Variants in CALHM4 observed in about 807,000 individuals in gnomAD.
CALHM4 encodes the protein calcium homeostasis modulator protein 4.
A neutral mutation model predicts 13.3 loss-of-function variants in CALHM4; 16 were observed. The observed-to-expected ratio is 1.20, with a 90% confidence interval of 0.81 to 1.82. The LOEUF (loss-of-function observed/expected upper bound fraction) is 1.82, where lower values mean the gene tolerates loss of function less well. Among genes scored for constraint, CALHM4 ranks in the 40% most tolerant of loss-of-function variants. The pLI, the probability that CALHM4 is intolerant of heterozygous loss-of-function variation, is 0.00. For synonymous variants in CALHM4, 127 were observed against 137.1 expected, an observed-to-expected ratio of 0.93 and a Z score of 0.52; for missense variants, 344 against 374.9, an observed-to-expected ratio of 0.92 and a Z score of 0.68.
In CALHM4 at chr6:116,540,377, C is replaced by G. The variant is rs747079359; in HGVS notation, c.-108-3388C>G. 7 of 1,551,036 alleles carry G rather than the reference C, an allele frequency of 4.5e-6. 1 individual carries two copies. Among genetic ancestry groups the G allele is most frequent in the Middle Eastern group, 1.7e-4 (1 of 5,986 alleles). ...AACATAGTTACCTGGGCAATTATGT[C>G]TATAATTTCTGAATAACTATGGCAT... On this transcript the variant is annotated intron_variant, in intron 1 of 2. Transcript: ENST00000368597.
intron 1 of CALHM4, among the ~76,000 whole-genome samples, chr6:116,539,691 G>GA (rs982974559): frequency 4.0e-5 from 6 of 150,364 alleles, no homozygotes; most frequent in East Asian, 1.9e-4. Context: ...GACTAGGAGA[G>GA]AAAAAAAAAT....
rs142433249 is a variant in CALHM4, at chr6:116,558,017, C to T, written c.751C>T (p.Leu251=). Residue 251 remains leucine (L), a synonymous_variant, in exon 2 of 2, where the codon CTA becomes TTA. Coordinates refer to ENST00000368596, the MANE Select transcript of CALHM4 (RefSeq NM_001366078.2). ...RLLMMHRIKK[L]FGFIPGSEDV... ...CCTCATGATGCATCGCATAAAGAAGCTATTTGGCTTCATTCCCGGGAGTGA... is the reference window on the plus strand; with the variant it reads ...CCTCATGATGCATCGCATAAAGAAGTTATTTGGCTTCATTCCCGGGAGTGA... 3 of 1,614,156 alleles carry T rather than the reference C, an allele frequency of 1.9e-6. No homozygotes were observed. Among genetic ancestry groups the T allele is most frequent in the Middle Eastern group, 1.6e-4 (1 of 6,062 alleles).
Position 116,558,367 on chromosome 6 carries a change from A to G in CALHM4, c.*156A>G. ...CAAATATTATTTCTAAAATCAATCTATTAGATAATTGTGCCAATCTCTCAT... is the reference window on the plus strand; with the variant it reads ...CAAATATTATTTCTAAAATCAATCTGTTAGATAATTGTGCCAATCTCTCAT... On this transcript the variant is annotated 3_prime_UTR_variant, in exon 2 of 2. Coordinates refer to ENST00000368596, the MANE Select transcript of CALHM4 (RefSeq NM_001366078.2). 1 of 902,012 alleles carries G rather than the reference A, an allele frequency of 1.1e-6. No homozygotes were observed. The highest frequency in any genetic ancestry group is 1.6e-6 in the Non-Finnish European group (1 of 634,232). 55.9% of individuals were successfully genotyped at this position (902,012 alleles called of 1,614,324 possible).
intron 1 of CALHM4, among the ~76,000 whole-genome samples, chr6:116,542,768 A>AT (rs1315788645): frequency 5.3e-5 from 8 of 152,128 alleles, no homozygotes; most frequent in African/African-American, 1.9e-4. Flanking sequence ...CATAGTAATG[A>AT]TTAAAAAACA....
chr6:116,540,301 C>G, intron 1 of CALHM4: 2 of 1,468,864 alleles, frequency 1.4e-6, no homozygotes, highest in South Asian at 2.5e-5. Flanking sequence ...CAGAAAACCA[C>G]CATACTCAAA....
chr6:116,554,615 C>G (rs527673076), intron 1 of CALHM4, among the ~76,000 whole-genome samples: 21 of 152,228 alleles, frequency 1.4e-4, no homozygotes, highest in Non-Finnish European at 2.4e-4. Flanking sequence ...ATGGCACCTA[C>G]CACATGGGGC....
At chr6:116,532,149 G>T (rs778143223) in intron 1 of CALHM4, among the ~76,000 whole-genome samples, 2 of 152,290 alleles carry the variant, frequency 1.3e-5, no homozygotes, top group South Asian at 2.1e-4. Context: ...GAGCAGACAG[G>T]GTAGGAGTCT....
chr6:116,545,630 A>G, intron 2 of CALHM4: 1 of 871,702 alleles, frequency 1.1e-6, no homozygotes, highest in East Asian at 2.9e-5. Flanking sequence ...TCGCTTTGAG[A>G]CAGGAGTGCT....
chr6:116,547,466 C>T (rs1394489497), intron 2 of CALHM4, among the ~76,000 whole-genome samples: 1 of 152,186 alleles, frequency 6.6e-6, no homozygotes, highest in African/African-American at 2.4e-5. Context: ...CCAGTCAAGA[C>T]ACGAGCTTAA....
chr6:116,543,735 T>G (rs939247517), intron 1 of CALHM4: 13 of 1,227,740 alleles, frequency 1.1e-5, no homozygotes, highest in African/African-American at 1.5e-5. Flanking sequence ...ATTTCTGTTT[T>G]TCTAAAATAT....
chr6:116,536,643 G>A (rs1773111527), intron 1 of CALHM4, among the ~76,000 whole-genome samples: 1 of 152,174 alleles, frequency 6.6e-6, no homozygotes. Flanking sequence ...CCTGGAGACA[G>A]GACAGAGATC....
intron 2 of CALHM4, chr6:116,545,368 C>T: frequency 2.2e-6 from 2 of 900,544 alleles, no homozygotes; most frequent in Non-Finnish European, 3.4e-6. Flanking sequence ...ACTGTCTTTC[C>T]TCCACTAAAA....
rs574235422 is a variant in CALHM4 at position 116,560,858 on chromosome 6, T to C, written c.*2647T>C. ...TGGCTACCACATCAAACCCTGGAGC[T>C]TGACATATATAAACCTGCTCCTTTC... On this transcript the variant is annotated 3_prime_UTR_variant, in exon 2 of 2. Coordinates refer to ENST00000368596, the MANE Select transcript of CALHM4 (RefSeq NM_001366078.2). Among the ~76,000 whole-genome samples the C allele has an allele frequency of 3.9e-5, 6 of 152,322 alleles. No individual in the cohort carries two copies. Among genetic ancestry groups the C allele is most frequent in the African/African-American group, 1.4e-4 (6 of 41,568 alleles).
upstream of CALHM4, among the ~76,000 whole-genome samples, chr6:116,549,662 T>G (rs557150803): frequency 1.3e-5 from 2 of 151,924 alleles, no homozygotes; most frequent in South Asian, 4.1e-4. Context: ...ATGGATTCAT[T>G]TCTGATAAAA....
Position 116,553,957 on chromosome 6 carries a change from TTCTTGTCA to T in CALHM4, c.166_173del (p.Leu56SerfsTer22). The T allele has an allele frequency of 5.2e-6, 8 of 1,550,656 alleles. No homozygotes were observed. Among genetic ancestry groups the T allele is most frequent in the Non-Finnish European group, 7.0e-6 (8 of 1,147,004 alleles). ...AAAAATTTCTATTATGGTTCTGCTT[TTCTTGTCA>T]TTCCTGCCTTGATCCTTCTCGTTGC... is the stretch of plus-strand genomic sequence containing the variant. On this transcript the variant is annotated frameshift_variant, in exon 1 of 2. Coordinates refer to ENST00000368596, the MANE Select transcript of CALHM4 (RefSeq NM_001366078.2). LOFTEE classifies it high-confidence loss of function.
chr6:116,541,364 T>A (rs1282691653), intron 1 of CALHM4, among the ~76,000 whole-genome samples: 1 of 152,154 alleles, frequency 6.6e-6, no homozygotes, highest in African/African-American at 2.4e-5. Context: ...TCAAAATTGG[T>A]CTTTTAATTT....
At position 116,560,486 on chromosome 6, in the gene CALHM4, T is replaced by C. The variant is rs1381319569; in HGVS notation, c.*2275T>C. Among the ~76,000 whole-genome samples the C allele has an allele frequency of 6.6e-6, 1 of 152,182 alleles. No homozygotes were observed. Among genetic ancestry groups the C allele is most frequent in the Non-Finnish European group, 1.5e-5 (1 of 68,014 alleles). On this transcript the variant is annotated 3_prime_UTR_variant, in exon 2 of 2. Coordinates refer to ENST00000368596, the MANE Select transcript of CALHM4 (RefSeq NM_001366078.2). ...GCCAGTTAATCATGATCTTCCCCTA[T>C]AACTTTCTGGCAAAGGATTCTAAGT...
chr6:116,533,599 G>A (rs1772881463), intron 1 of CALHM4, among the ~76,000 whole-genome samples: 2 of 152,228 alleles, frequency 1.3e-5, no homozygotes, highest in Non-Finnish European at 2.9e-5. Context: ...AGGTTGGCTC[G>A]GCTCATGCCT....
At chr6:116,550,058 A>C (rs1318265177), upstream of CALHM4, among the ~76,000 whole-genome samples, 1 of 148,018 alleles carries the variant, frequency 6.8e-6, no homozygotes, top group Non-Finnish European at 1.5e-5. Flanking sequence ...ATCCATAATT[A>C]TAAAAATTTT....
Sources: allele counts gnomAD v4.1 joint callset (sites outside exome capture counted in the v4.1 genomes callset), GRCh38; gene constraint gnomAD v4.1.1; transcripts MANE v1.5; gene names NCBI Gene and HGNC (gene_info 2026-07-23, HGNC 2026-07-21).